Variants in TEAD3 observed in about 807,000 individuals in gnomAD.
The protein encoded by TEAD3 is transcriptional enhancer factor TEF-5.
In TEAD3, 15 loss-of-function variants were observed where a neutral mutation model predicts 55.6. The ratio of observed to expected loss-of-function variants is 0.27; its 90% CI spans 0.18 to 0.42. The LOEUF is 0.42. TEAD3 is among the 10% of genes least tolerant of loss of function. The pLI, the probability that TEAD3 is intolerant of heterozygous loss-of-function variation, is 1.00. For synonymous variants in TEAD3, 210 were observed against 232.2 expected, an observed-to-expected ratio of 0.90 and a Z score of 0.87; for missense variants, 407 against 576.8, an observed-to-expected ratio of 0.71 and a Z score of 3.01.
At chr6:35,478,559 T>G (rs928281759) in exon 6 of TEAD3, 1 of 1,592,598 alleles carries the variant, frequency 6.3e-7, no homozygotes, top group Non-Finnish European at 8.5e-7. Context: ...GCTTTGTCCT[T>G]GGAGACCTGG....
At position 35,486,699 on chromosome 6, in the gene TEAD3, T is replaced by C; in HGVS notation, c.-37A>G. ...CTCTGGGCTCTGGGCCTGAGCCCAC[T>C]GGGCGGCTGAGCCTGGGGGACAGAC... On this transcript the variant is annotated 5_prime_UTR_variant, in exon 2 of 13. Transcript: ENST00000639578. The surrounding 1 kb of genome is among the most constrained non-coding windows in gnomAD (Gnocchi z 7.3). 5.0e-6 allele frequency: 8 copies of C among 1,598,090 alleles called. No individual in the cohort carries two copies. Among genetic ancestry groups the C allele is most frequent in the Non-Finnish European group, 6.0e-6 (7 of 1,171,040 alleles).
rs909892579 is a variant in TEAD3, at chr6:35,489,523, G to A, written c.-49-2812C>T. Among the ~76,000 whole-genome samples the A allele has an allele frequency of 1.1e-4, 17 of 152,098 alleles. 1 individual carries two copies. Among genetic ancestry groups the A allele is most frequent in the Admixed American group, 5.2e-4 (8 of 15,266 alleles). On this transcript the variant is annotated intron_variant, in intron 1 of 12. Transcript: ENST00000639578. ...GCAACTTGAAGACCCCCGCACTGCC[G>A]TACAGCCCTTTCTGTGATGCCTCCA...
In TEAD3 at chr6:35,486,394, C is replaced by G; in HGVS notation, c.202+67G>C. On this transcript the variant is annotated intron_variant, in intron 2 of 12. Transcript: ENST00000639578. The surrounding 1 kb of genome is among the most constrained non-coding windows in gnomAD (Gnocchi z 7.3). Reference sequence around the variant, plus strand: ...CTGGCGGCCTCCGACGTCACCAAACCGGTTGGGTGAGAGGGCAGAGAGCAG... The same window carrying G: ...CTGGCGGCCTCCGACGTCACCAAACGGGTTGGGTGAGAGGGCAGAGAGCAG... 1 of 1,535,334 alleles carries G rather than the reference C, an allele frequency of 6.5e-7. No homozygotes were observed.
rs2150914168 is a variant in TEAD3, at chr6:35,484,941, T to C, written c.203-317A>G. ...CTTCCCTGCAGACAGACCGGGTGGC[T>C]GTGGTACAGGTCAGCAGGACAGTAG... On this transcript the variant is annotated intron_variant, in intron 2 of 12. Coordinates refer to ENST00000639578, the Ensembl canonical transcript of TEAD3. This position sits in a 1 kb window ranked among gnomAD's most constrained non-coding sequence, Gnocchi z 5.8. Among the ~76,000 whole-genome samples the C allele has an allele frequency of 6.6e-6, 1 of 152,268 alleles. No homozygotes were observed. Among genetic ancestry groups the C allele is most frequent in the East Asian group, 1.9e-4 (1 of 5,178 alleles).
At position 35,484,934 on chromosome 6, in the gene TEAD3, G is replaced by A. The variant is rs77720652; in HGVS notation, c.203-310C>T. Among the ~76,000 whole-genome samples, 3,987 of 152,252 alleles carry A rather than the reference G, an allele frequency of 0.026. 92 individuals carry two copies. The highest frequency in any genetic ancestry group is 0.11 in the East Asian group (545 of 5,166). On this transcript the variant is annotated intron_variant, in intron 2 of 12. Coordinates refer to ENST00000639578, the Ensembl canonical transcript of TEAD3. The surrounding 1 kb of genome is among the most constrained non-coding windows in gnomAD (Gnocchi z 5.8). ...TGACAGGCTTCCCTGCAGACAGACC[G>A]GGTGGCTGTGGTACAGGTCAGCAGG...
chr6:35,480,870 G>A (rs1768252336), intron 3 of TEAD3, among the ~76,000 whole-genome samples: 1 of 152,152 alleles, frequency 6.6e-6, no homozygotes, highest in South Asian at 2.1e-4. Flanking sequence ...TGTCCTCAGA[G>A]GAGACAACCT....
rs1581725973 is a variant in TEAD3, at chr6:35,484,714, A to T, written c.203-90T>A. 8.8e-7 allele frequency: 1 copy of T among 1,139,820 alleles called. No individual in the cohort carries two copies. Among genetic ancestry groups the T allele is most frequent in the East Asian group, 2.6e-5 (1 of 39,000 alleles). 70.6% of individuals were successfully genotyped at this position (1,139,820 alleles called of 1,614,324 possible). On this transcript the variant is annotated intron_variant, in intron 2 of 12. Transcript: ENST00000639578. The surrounding 1 kb of genome is among the most constrained non-coding windows in gnomAD (Gnocchi z 5.8). ...CACCCCACCGGGAAGCCACTCCAGG[A>T]CCCTCCCCAAAACACTGCTCTTCTG... is the stretch of plus-strand genomic sequence containing the variant.
rs192029542 is a variant in TEAD3, at chr6:35,494,500, G to A, written c.-50+2398C>T. Among the ~76,000 whole-genome samples, 38 of 152,292 alleles carry A rather than the reference G, an allele frequency of 2.5e-4. 1 individual carries two copies. Among genetic ancestry groups the A allele is most frequent in the Admixed American group, 1.4e-3 (21 of 15,312 alleles). Reference sequence around the variant, plus strand: ...AGGGCAAGGCCCCAGGGACAGTGCCGAGTGTGACCTGCTGACCTCCCCAGC... The same window carrying A: ...AGGGCAAGGCCCCAGGGACAGTGCCAAGTGTGACCTGCTGACCTCCCCAGC... On this transcript the variant is annotated intron_variant, in intron 1 of 12. Coordinates refer to ENST00000639578, the Ensembl canonical transcript of TEAD3.
intron 5 of TEAD3, among the ~76,000 whole-genome samples, chr6:35,478,877 C>CTTTTTTTTTTT (rs67071124): frequency 9.4e-6 from 1 of 106,754 alleles, no homozygotes; most frequent in African/African-American, 3.6e-5. Context: ...CTCCTATTTT[C>CTTTTTTTTTTT]TTTTTTTTTT....
rs1423352672 is a variant in TEAD3, at chr6:35,475,225, CA to C, written c.1195-69del. The C allele has an allele frequency of 3.2e-6, 5 of 1,581,906 alleles. No homozygotes were observed. In the African/African-American group the frequency reaches 6.7e-5, roughly 21 times the overall value. On this transcript the variant is annotated intron_variant, in intron 12 of 12. Coordinates refer to ENST00000639578, the Ensembl canonical transcript of TEAD3. The surrounding 1 kb of genome is among the most constrained non-coding windows in gnomAD (Gnocchi z 5.4). ...AAGGGCCACGGGGCAGGGGGCTGAA[CA>C]GACCATTCTCCTTTCCGGATCTATG...
chr6:35,480,685 A>C (rs1211055764), intron 3 of TEAD3, among the ~76,000 whole-genome samples: 2 of 152,126 alleles, frequency 1.3e-5, no homozygotes, highest in African/African-American at 2.4e-5. Flanking sequence ...CATGATCAAG[A>C]GCCACAGTGG....
rs760681150 is a variant in TEAD3, at chr6:35,488,715, T to C, written c.-49-2004A>G. ...TTATTCGGTTATTTTTTTTCTTTTT[T>C]AAATTTTTTATTTGTTTTTTATTTT... On this transcript the variant is annotated intron_variant, in intron 1 of 12. Coordinates refer to ENST00000639578, the Ensembl canonical transcript of TEAD3. The surrounding 1 kb of genome is among the most constrained non-coding windows in gnomAD (Gnocchi z 4.2). Among the ~76,000 whole-genome samples, 26 of 152,162 alleles carry C rather than the reference T, an allele frequency of 1.7e-4. No individual in the cohort carries two copies. The highest frequency in any genetic ancestry group is 3.9e-4 in the Admixed American group (6 of 15,268).
chr6:35,492,312 T>A (rs1199697336), intron 1 of TEAD3, among the ~76,000 whole-genome samples: 1 of 152,044 alleles, frequency 6.6e-6, no homozygotes, highest in Non-Finnish European at 1.5e-5. Context: ...GCTCCCACCC[T>A]CTCTGCCTTT....
chr6:35,489,616 G>C (rs1333644936), intron 1 of TEAD3, among the ~76,000 whole-genome samples: 1 of 152,184 alleles, frequency 6.6e-6, no homozygotes, highest in Non-Finnish European at 1.5e-5. Flanking sequence ...TGACCTGTCA[G>C]AGGGGCCAGA....
chr6:35,484,681 G>T lies in TEAD3; in HGVS notation c.203-57C>A. 6.7e-7 allele frequency: 1 copy of T among 1,502,286 alleles called. No individual in the cohort carries two copies. The highest frequency in any genetic ancestry group is 9.1e-7 in the Non-Finnish European group (1 of 1,101,438). 93.1% of individuals were successfully genotyped at this position (1,502,286 alleles called of 1,614,324 possible). On this transcript the variant is annotated intron_variant, in intron 2 of 12. Coordinates refer to ENST00000639578, the Ensembl canonical transcript of TEAD3. This position sits in a 1 kb window ranked among gnomAD's most constrained non-coding sequence, Gnocchi z 5.8. ...GGGCAAAGGGTGGAGCCAGAGGCTG[G>T]AGGCCCCCACCCCACCGGGAAGCCA...
rs1157976265 is a variant in TEAD3, at chr6:35,483,594, T to C, written c.267+966A>G. 6.6e-6 allele frequency among the ~76,000 whole-genome samples: 1 copy of C among 152,182 alleles called. No homozygotes were observed. Among genetic ancestry groups the C allele is most frequent in the Non-Finnish European group, 1.5e-5 (1 of 68,022 alleles). On this transcript the variant is annotated intron_variant, in intron 3 of 12. Transcript: ENST00000639578. The surrounding 1 kb of genome is among the most constrained non-coding windows in gnomAD (Gnocchi z 4.5). ...TCTAGGCCTCTGCTTATGCCCGCAA[T>C]GGCCAGCCTCTCTGTCTCCAGCCAG...
At position 35,478,424 on chromosome 6, in the gene TEAD3, A is replaced by T. The variant is rs1288234826; in HGVS notation, c.480+10T>A. On this transcript the variant is annotated intron_variant, in intron 6 of 12. Coordinates refer to ENST00000639578, the Ensembl canonical transcript of TEAD3. ...CCCCCACACCAGCCCACCTCCTGGGACCCATGTACCCGCGAGGAAGTGGAG... is the reference window on the plus strand; with the variant it reads ...CCCCCACACCAGCCCACCTCCTGGGTCCCATGTACCCGCGAGGAAGTGGAG... 1 of 1,613,588 alleles carries T rather than the reference A, an allele frequency of 6.2e-7. No homozygotes were observed.
At position 35,475,877 on chromosome 6, in the gene TEAD3, T is replaced by A. The variant is rs1229103735; in HGVS notation, c.900+42A>T. The A allele has an allele frequency of 1.3e-6, 2 of 1,504,292 alleles. No homozygotes were observed. The highest frequency in any genetic ancestry group is 1.8e-6 in the Non-Finnish European group (2 of 1,127,614). The allele number at this position is 1,504,292 out of a possible 1,614,324, so 93.2% of individuals were successfully genotyped here. On this transcript the variant is annotated intron_variant, in intron 10 of 12. Transcript: ENST00000639578. This position sits in a 1 kb window ranked among gnomAD's most constrained non-coding sequence, Gnocchi z 5.4. ...GGGCCTGGATGTTGCACCTCTGGGG[T>A]GGGGAAGGGGGCTTGGAGCAGAGAA...
At chr6:35,487,087 C>G (rs775548992) in intron 1 of TEAD3, among the ~76,000 whole-genome samples, 1 of 152,254 alleles carries the variant, frequency 6.6e-6, no homozygotes, top group African/African-American at 2.4e-5. Flanking sequence ...ACCAACACAG[C>G]ACTTTTGTAG....
Sources: allele counts gnomAD v4.1 joint callset (sites outside exome capture counted in the v4.1 genomes callset), GRCh38; gene constraint gnomAD v4.1.1; non-coding constraint Gnocchi (gnomAD v3.1); transcripts MANE v1.5; gene names NCBI Gene and HGNC (gene_info 2026-07-23, HGNC 2026-07-21).